Variants in LINGO2 observed in about 807,000 individuals in gnomAD.
LINGO2 encodes the protein leucine rich repeat and Ig domain containing 2.
In LINGO2, 14 loss-of-function variants were observed where a neutral mutation model predicts 30.6. The observed-to-expected ratio is 0.46, with a 90% CI of 0.30 to 0.72. The LOEUF is 0.72. Among genes scored for constraint, LINGO2 ranks in the 30% least tolerant of loss-of-function variants. The pLI, the probability that LINGO2 is intolerant of heterozygous loss-of-function variation, is 0.07. For missense variants in LINGO2, 729 were observed against 751.7 expected (o/e 0.97, Z 0.35); for synonymous variants, 317 against 288.5 (o/e 1.10, Z -1.00).
chr9:28,804,564 C>CA, the LINGO2 span, among the ~76,000 whole-genome samples: 17,546 of 127,578 alleles, frequency 0.14, 1,204 homozygotes, highest in African/African-American at 0.2. Flanking sequence ...AAAACAAAAA[C>CA]AAAAAAAAAA....
intron 1 of LINGO2, among the ~76,000 whole-genome samples, chr9:28,519,287 T>C (rs1210482082): frequency 1.3e-5 from 2 of 152,090 alleles, no homozygotes; most frequent in African/African-American, 4.8e-5. Context: ...CCCCGGCCTC[T>C]GACTCCCAAA....
chr9:28,110,506 G>C (rs1185978905), intron 4 of LINGO2, among the ~76,000 whole-genome samples: 2 of 152,148 alleles, frequency 1.3e-5, no homozygotes, highest in African/African-American at 4.8e-5. Context: ...TCTGACAAAG[G>C]TCTAATATCC....
chr9:28,663,363 G>A (rs1001694720), intron 1 of LINGO2, among the ~76,000 whole-genome samples: 9 of 152,184 alleles, frequency 5.9e-5, no homozygotes, highest in South Asian at 2.1e-4. Context: ...TAGAGATGGG[G>A]TATCACCATA....
At chr9:28,026,363 G>C (rs968541685) in intron 4 of LINGO2, among the ~76,000 whole-genome samples, 1 of 152,142 alleles carries the variant, frequency 6.6e-6, no homozygotes, top group Non-Finnish European at 1.5e-5. Context: ...TTAGTGCAGT[G>C]GTTCTCAAAC....
chr9:28,165,490 G>GA (rs1341895441), intron 4 of LINGO2, among the ~76,000 whole-genome samples: 2 of 152,094 alleles, frequency 1.3e-5, no homozygotes, highest in Admixed American at 6.5e-5. Flanking sequence ...TAACTTAACA[G>GA]AAAAAATTGT....
At chr9:29,107,359 G>T in the LINGO2 span, among the ~76,000 whole-genome samples, 2 of 151,982 alleles carry the variant, frequency 1.3e-5, no homozygotes, top group African/African-American at 4.8e-5. Context: ...ATTCAACATG[G>T]TTTCTCCATT....
At chr9:28,055,770 A>G (rs1305506002) in intron 4 of LINGO2, among the ~76,000 whole-genome samples, 2 of 152,172 alleles carry the variant, frequency 1.3e-5, no homozygotes, top group East Asian at 3.9e-4. Flanking sequence ...AAGTAGTTCA[A>G]ATTGCTATCT....
intron 2 of LINGO2, among the ~76,000 whole-genome samples, chr9:28,404,141 T>A (rs993490191): frequency 6.6e-6 from 1 of 152,150 alleles, no homozygotes; most frequent in Non-Finnish European, 1.5e-5. Context: ...TTGCCCCAAA[T>A]ATCTTTAAAA....
intron 1 of LINGO2, among the ~76,000 whole-genome samples, chr9:28,594,053 A>G (rs2059325811): frequency 6.6e-6 from 1 of 152,122 alleles, no homozygotes; most frequent in African/African-American, 2.4e-5. Flanking sequence ...CAAAATAAAA[A>G]AAAACACAAA....
intron 4 of LINGO2, among the ~76,000 whole-genome samples, chr9:28,293,066 C>G (rs1195049548): frequency 6.6e-6 from 1 of 151,814 alleles, no homozygotes; most frequent in Admixed American, 6.6e-5. Context: ...GCCACCGCAC[C>G]CGGCTGGCCC....
At chr9:28,551,386 A>G (rs1000434747) in intron 1 of LINGO2, among the ~76,000 whole-genome samples, 1 of 151,892 alleles carries the variant, frequency 6.6e-6, no homozygotes, top group African/African-American at 2.4e-5. Context: ...CTACATATAT[A>G]TACGTCTATA....
chr9:28,022,694 C>A (rs945934738), intron 4 of LINGO2, among the ~76,000 whole-genome samples: 3 of 151,638 alleles, frequency 2.0e-5, no homozygotes, highest in African/African-American at 7.3e-5. Flanking sequence ...ATTTATCCTG[C>A]TGGTGTTTGC....
chr9:28,060,788 CG>C (rs1379803032), intron 4 of LINGO2, among the ~76,000 whole-genome samples: 1 of 152,222 alleles, frequency 6.6e-6, no homozygotes, highest in African/African-American at 2.4e-5. Flanking sequence ...AAATTTAAGA[CG>C]GAAGTCCAAA....
At chr9:28,238,255 A>G (rs538866640) in intron 4 of LINGO2, among the ~76,000 whole-genome samples, 2 of 152,254 alleles carry the variant, frequency 1.3e-5, no homozygotes, top group South Asian at 2.1e-4. Context: ...CGACAACAAC[A>G]ACAACAAAAA....
At chr9:28,171,864 C>A (rs979505345) in intron 4 of LINGO2, among the ~76,000 whole-genome samples, 2 of 149,300 alleles carry the variant, frequency 1.3e-5, no homozygotes, top group East Asian at 2.0e-4. Context: ...AACAAAAAAC[C>A]AAAAAAATTT....
rs565795212 is a variant in LINGO2 at position 28,653,051 on chromosome 9, T to A, written c.-365+17149A>T. The stretch of plus-strand genomic sequence containing the variant: ...AATTAACCTCAAAATTACTTAGATA[T>A]CTTTAAGAAAATGTTTAATACTTTA... On this transcript the variant is annotated intron_variant, in intron 1 of 5. Transcript: ENST00000379992. 2.6e-5 allele frequency among the ~76,000 whole-genome samples: 4 copies of A among 152,270 alleles called. No individual in the cohort carries two copies. The East Asian group carries it at 7.7e-4, about 29-fold the overall frequency.
chr9:28,556,443 T>C (rs1587855362), intron 1 of LINGO2, among the ~76,000 whole-genome samples: 1 of 152,036 alleles, frequency 6.6e-6, no homozygotes, highest in East Asian at 1.9e-4. Context: ...TTACAAGGGA[T>C]GTGAAGGACC....
intron 4 of LINGO2, among the ~76,000 whole-genome samples, chr9:28,019,795 T>G (rs1823024762): frequency 6.6e-6 from 1 of 152,200 alleles, no homozygotes; most frequent in Non-Finnish European, 1.5e-5. Flanking sequence ...ATTCAGGATT[T>G]AAGCCTCAGT....
chr9:28,582,996 G>A lies in LINGO2; in HGVS notation c.-365+87204C>T, dbSNP rs532667920. 3.3e-5 allele frequency among the ~76,000 whole-genome samples: 5 copies of A among 151,940 alleles called. No individual in the cohort carries two copies. In the East Asian group the frequency reaches 9.7e-4, roughly 30 times the overall value. On this transcript the variant is annotated intron_variant, in intron 1 of 5. Coordinates refer to ENST00000379992, the Ensembl canonical transcript of LINGO2. ...CACAAATTATACACAGTATAATTCT[G>A]TGATAAATTTTTGGAACAGAGGACA...
Sources: gnomAD v4.1 joint callset for allele counts (sites outside exome capture counted in the v4.1 genomes callset) on GRCh38, gnomAD v4.1.1 for gene constraint, MANE v1.5 for transcripts, NCBI Gene and HGNC (gene_info 2026-07-23, HGNC 2026-07-21) for gene names.